Variants in PRIM2 observed in about 807,000 individuals in gnomAD.
PRIM2 encodes DNA primase subunit 2.
In PRIM2, 39 loss-of-function variants were observed where a neutral mutation model predicts 67.3. That is an observed-to-expected ratio of 0.58 (90% CI 0.45 to 0.76). The LOEUF (loss-of-function observed/expected upper bound fraction) is 0.76, where lower values mean the gene tolerates loss of function less well. PRIM2 is among the 30% of genes least tolerant of loss of function. The pLI, the probability that PRIM2 is intolerant of heterozygous loss-of-function variation, is 0.00. For synonymous variants in PRIM2, 143 were observed against 198.7 expected, an observed-to-expected ratio of 0.72 and a Z score of 2.36; for missense variants, 398 against 598.7, an observed-to-expected ratio of 0.66 and a Z score of 3.50.
intron 7 of PRIM2, among the ~76,000 whole-genome samples, chr6:57,460,507 AAT>A (rs1772969084): frequency 6.6e-6 from 1 of 152,138 alleles, no homozygotes; most frequent in African/African-American, 2.4e-5. Flanking sequence ...TAGCCAGTTA[AAT>A]ATGATATCTA....
intron 7 of PRIM2, among the ~76,000 whole-genome samples, chr6:57,472,732 AT>A (rs1773368488): frequency 6.6e-6 from 1 of 152,248 alleles, no homozygotes; most frequent in African/African-American, 2.4e-5. Context: ...ATAATAGGCC[AT>A]TGTGAAAGTT....
chr6:57,282,544 A>G, the PRIM2 span, among the ~76,000 whole-genome samples: 2 of 152,190 alleles, frequency 1.3e-5, no homozygotes, highest in African/African-American at 4.8e-5. Context: ...CCAAATTCAT[A>G]TGTTGAATTC....
chr6:57,557,734 T>A (rs1775542712), intron 10 of PRIM2, among the ~76,000 whole-genome samples: 1 of 151,648 alleles, frequency 6.6e-6, no homozygotes, highest in Admixed American at 6.6e-5. Flanking sequence ...AGTTTACCTA[T>A]ATAACAAACC....
chr6:57,543,301 C>T lies in PRIM2; in HGVS notation c.1020+5676C>T, dbSNP rs1472956801. Among the ~76,000 whole-genome samples the T allele has an allele frequency of 5.9e-5, 9 of 152,232 alleles. No individual in the cohort carries two copies. The South Asian group carries it at 1.7e-3, about 28-fold the overall frequency. On this transcript the variant is annotated intron_variant, in intron 10 of 13. Transcript: ENST00000615550. The stretch of plus-strand genomic sequence containing the variant: ...ATTTTTTATAGTGCTAATTAAAGGA[C>T]TTGGGTGTTGAACCCAGCTCGAATG...
intron 12 of PRIM2, among the ~76,000 whole-genome samples, chr6:57,630,360 G>A (rs1777020654): frequency 6.6e-6 from 1 of 152,060 alleles, no homozygotes; most frequent in South Asian, 2.1e-4. Flanking sequence ...CAGGTCAGGG[G>A]AAGATTGTAG....
Position 57,453,170 on chromosome 6 carries a change from G to A in PRIM2, c.694-54217G>A, listed in dbSNP as rs1352927260. Among the ~76,000 whole-genome samples, 3 of 152,136 alleles carry A rather than the reference G, an allele frequency of 2.0e-5. No individual in the cohort carries two copies. The East Asian group carries it at 5.8e-4, about 29-fold the overall frequency. ...ATCTCTGTTTTGATACAAATACCAT[G>A]CTGTTTTGGTTACTGTAGCCTTGTA... On this transcript the variant is annotated intron_variant, in intron 7 of 13. Transcript: ENST00000615550.
At chr6:57,295,861 C>G in the PRIM2 span, among the ~76,000 whole-genome samples, 27 of 152,240 alleles carry the variant, frequency 1.8e-4, no homozygotes, top group South Asian at 5.6e-3. Context: ...CTTCCCAACA[C>G]CCGGATTAAA....
At chr6:57,343,987 G>T (rs1768587095) in intron 5 of PRIM2, among the ~76,000 whole-genome samples, 1 of 152,108 alleles carries the variant, frequency 6.6e-6, no homozygotes, top group Non-Finnish European at 1.5e-5. Context: ...TATTAAAGAT[G>T]GTCAGACGAA....
At chr6:57,272,371 C>T in the PRIM2 span, among the ~76,000 whole-genome samples, 11 of 152,118 alleles carry the variant, frequency 7.2e-5, no homozygotes, top group African/African-American at 2.7e-4. Flanking sequence ...ATCCCTTTAC[C>T]ATTATGTAAT....
At chr6:57,309,153 A>T in the PRIM2 span, among the ~76,000 whole-genome samples, 151 of 136,132 alleles carry the variant, frequency 1.1e-3, no homozygotes, top group African/African-American at 3.5e-3. Context: ...TTTTTTTTTT[A>T]TTATACTTTA....
At chr6:57,322,765 G>A (rs1427324897) in intron 3 of PRIM2, among the ~76,000 whole-genome samples, 1 of 152,174 alleles carries the variant, frequency 6.6e-6, no homozygotes, top group East Asian at 1.9e-4. Flanking sequence ...GCTTTGTAGA[G>A]ATGTATGGAA....
chr6:57,522,064 C>T (rs1774636924), intron 8 of PRIM2, among the ~76,000 whole-genome samples: 1 of 151,496 alleles, frequency 6.6e-6, no homozygotes, highest in Non-Finnish European at 1.5e-5. Context: ...TCTTTGTCCC[C>T]AGAGAAACAA....
chr6:57,403,403 C>T (rs573021261), intron 7 of PRIM2, among the ~76,000 whole-genome samples: 2 of 151,918 alleles, frequency 1.3e-5, no homozygotes, highest in Non-Finnish European at 2.9e-5. Context: ...ACTACAGGCG[C>T]CTGCCATCAC....
chr6:57,406,396 A>G (rs1243124289), intron 7 of PRIM2, among the ~76,000 whole-genome samples: 8 of 152,188 alleles, frequency 5.3e-5, no homozygotes, highest in African/African-American at 1.7e-4. Context: ...GTCAAGGAGT[A>G]CAGAATCCAT....
At chr6:57,604,671 T>A (rs1408115680) in intron 11 of PRIM2, among the ~76,000 whole-genome samples, 1 of 151,858 alleles carries the variant, frequency 6.6e-6, no homozygotes, top group African/African-American at 2.4e-5. Flanking sequence ...GTTTTTGTCA[T>A]GAAGGAATAT....
chr6:57,321,689 A>C (rs944590760), intron 3 of PRIM2, among the ~76,000 whole-genome samples: 3 of 152,214 alleles, frequency 2.0e-5, no homozygotes, highest in Admixed American at 1.3e-4. Flanking sequence ...GAATAACAGC[A>C]GATATTTATA....
the PRIM2 span, among the ~76,000 whole-genome samples, chr6:57,269,682 G>A: frequency 2.0e-5 from 3 of 152,198 alleles, no homozygotes; most frequent in Admixed American, 6.5e-5. Context: ...TGCTTTTGGT[G>A]TTTTAGACAT....
the PRIM2 span, among the ~76,000 whole-genome samples, chr6:57,271,659 C>T: frequency 2.0e-5 from 3 of 152,098 alleles, no homozygotes; most frequent in Non-Finnish European, 2.9e-5. Context: ...TTATTTCTTG[C>T]CTTCTGCTGG....
the PRIM2 span, among the ~76,000 whole-genome samples, chr6:57,257,523 G>A: frequency 6.6e-6 from 1 of 152,042 alleles, no homozygotes; most frequent in Non-Finnish European, 1.5e-5. Flanking sequence ...TGCCCGCCTC[G>A]GCCTCCCAAA....
Sources: allele counts gnomAD v4.1 joint callset (sites outside exome capture counted in the v4.1 genomes callset), GRCh38; gene constraint gnomAD v4.1.1; transcripts MANE v1.5; gene names NCBI Gene and HGNC (gene_info 2026-07-23, HGNC 2026-07-21).